The following TRPS1 variants were observed in gnomAD, a reference collection of about 807,000 sequenced individuals.
TRPS1 encodes transcriptional repressor GATA binding 1, also known as zinc finger transcription factor Trps1.
Under a neutral mutation model 101.2 loss-of-function variants are expected in TRPS1, and 6 were observed. The observed-to-expected ratio is 0.06, with a 90% CI of 0.03 to 0.12. The LOEUF (loss-of-function observed/expected upper bound fraction) is 0.12. Ranked by LOEUF, TRPS1 falls within the 10% of genes least tolerant of loss-of-function variation. The probability of loss-of-function intolerance (pLI) is 1.00; values close to 1 mark genes in which losing one functional copy is unlikely to be tolerated. For synonymous variants in TRPS1, 578 were observed against 589.8 expected (o/e 0.98, Z 0.29); for missense variants, 1,363 against 1,567.0 (o/e 0.87, Z 2.20).
rs1812832570 is a variant in TRPS1, at chr8:115,413,321, CTGAG to C, written c.*698_*701del. On this transcript the variant is annotated 3_prime_UTR_variant, in exon 7 of 7. Coordinates refer to ENST00000395715, the MANE Select transcript of TRPS1 (RefSeq NM_014112.5). ...ATCTAAACCGCAAACAAAAGGACTACTGAGTATTTGAACATCTAAAGGACAAAAA... is the reference window on the plus strand; with the variant it reads ...ATCTAAACCGCAAACAAAAGGACTACTATTTGAACATCTAAAGGACAAAAA... 6.6e-6 allele frequency: 1 copy of C among 152,602 alleles called. No homozygotes were observed. Among genetic ancestry groups the C allele is most frequent in the African/African-American group, 2.4e-5 (1 of 41,436 alleles). 9.5% of individuals were successfully genotyped at this position (152,602 alleles called of 1,614,324 possible).
chr8:115,512,168 A>G (rs1004836082), intron 5 of TRPS1, among the ~76,000 whole-genome samples: 3 of 151,786 alleles, frequency 2.0e-5, no homozygotes, highest in Non-Finnish European at 4.4e-5. Flanking sequence ...AACTTGGCAA[A>G]CAAGAACTCA....
chr8:115,486,394 C>A (rs918115298), intron 5 of TRPS1, among the ~76,000 whole-genome samples: 1 of 152,136 alleles, frequency 6.6e-6, no homozygotes, highest in East Asian at 1.9e-4. Context: ...CTTAGGCCAA[C>A]TAATATCCCT....
Position 115,533,693 on chromosome 8 carries a change from T to C in TRPS1, c.2700+53308A>G, listed in dbSNP as rs116554026. On this transcript the variant is annotated intron_variant, in intron 5 of 6. Transcript: ENST00000395715. The stretch of plus-strand genomic sequence containing the variant: ...CTTGGGCTGCCAGAACAAAATACCA[T>C]AGACTGGGTGGCTTAAACAACAGAA... Among the ~76,000 whole-genome samples the C allele has an allele frequency of 7.5e-3, 1,137 of 152,046 alleles. 18 individuals are homozygous for C. The highest frequency in any genetic ancestry group is 0.026 in the African/African-American group (1,069 of 41,506).
chr8:115,455,779 T>TC (rs1253494063), intron 5 of TRPS1, among the ~76,000 whole-genome samples: 1 of 82,012 alleles, frequency 1.2e-5, no homozygotes, highest in Non-Finnish European at 2.9e-5. Flanking sequence ...TTCTTTCTTT[T>TC]TTTTTTTTTT....
At chr8:115,647,283 G>A (rs1811432875) in intron 1 of TRPS1, among the ~76,000 whole-genome samples, 1 of 152,000 alleles carries the variant, frequency 6.6e-6, no homozygotes, top group African/African-American at 2.4e-5. Context: ...TGGACTTCTA[G>A]AAAAGGAAAT....
chr8:115,436,963 C>T (rs1381940841), intron 5 of TRPS1, among the ~76,000 whole-genome samples: 3 of 151,986 alleles, frequency 2.0e-5, no homozygotes, highest in African/African-American at 2.4e-5. Context: ...TAGATACAGA[C>T]GTATACATAT....
At chr8:115,564,750 T>C (rs951498244) in intron 5 of TRPS1, among the ~76,000 whole-genome samples, 4 of 152,020 alleles carry the variant, frequency 2.6e-5, no homozygotes, top group Non-Finnish European at 5.9e-5. Context: ...CAGACTTGGA[T>C]GAGGGGAGCA....
At chr8:115,664,589 T>G (rs1469149987) in intron 1 of TRPS1, among the ~76,000 whole-genome samples, 1 of 151,934 alleles carries the variant, frequency 6.6e-6, no homozygotes, top group Non-Finnish European at 1.5e-5. Flanking sequence ...TAAACAAGAC[T>G]CAGAATTAGT....
intron 5 of TRPS1, among the ~76,000 whole-genome samples, chr8:115,551,779 T>C (rs994637421): frequency 8.5e-5 from 13 of 152,206 alleles, no homozygotes; most frequent in African/African-American, 2.7e-4. Context: ...TAAAATTATG[T>C]TCAAAGGCGG....
chr8:115,416,717 G>C (rs546754731), intron 6 of TRPS1, among the ~76,000 whole-genome samples: 1 of 151,862 alleles, frequency 6.6e-6, no homozygotes, highest in Non-Finnish European at 1.5e-5. Flanking sequence ...CATTTCTGTT[G>C]TTACAAACAT....
At chr8:115,574,918 T>C (rs976390896) in intron 5 of TRPS1, among the ~76,000 whole-genome samples, 1 of 152,122 alleles carries the variant, frequency 6.6e-6, no homozygotes, top group Non-Finnish European at 1.5e-5. Context: ...TATAATAATG[T>C]TTAAAAAACT....
Position 115,413,173 on chromosome 8 carries a change from T to G in TRPS1, c.*850A>C, listed in dbSNP as rs1305934903. On this transcript the variant is annotated 3_prime_UTR_variant, in exon 7 of 7. Transcript: ENST00000395715. Reference sequence around the variant, plus strand: ...GTGAGATTAGTAACCAACAGGAGGCTTAGAAAAGCAAATCCATACTGGTTC... The same window carrying G: ...GTGAGATTAGTAACCAACAGGAGGCGTAGAAAAGCAAATCCATACTGGTTC... 1 of 152,074 alleles carries G rather than the reference T, an allele frequency of 6.6e-6. No homozygotes were observed. The highest frequency in any genetic ancestry group is 2.4e-5 in the African/African-American group (1 of 41,408). The allele number at this position is 152,074 out of a possible 1,614,324, so 9.4% of individuals were successfully genotyped here. A position where few individuals can be genotyped will look rare whatever the true frequency, so the allele number is the denominator to read the frequency against.
rs745767876 is a variant in TRPS1 at position 115,629,032 on chromosome 8, C to T, written c.-121-5274G>A. On this transcript the variant is annotated intron_variant, in intron 1 of 6. Coordinates refer to ENST00000395715, the MANE Select transcript of TRPS1 (RefSeq NM_014112.5). ...TCATTTGGCTTTATGTCACATAGTG[C>T]CATTTAGCCAACAAAACTAATGTTC... 4.6e-5 allele frequency among the ~76,000 whole-genome samples: 7 copies of T among 151,800 alleles called. No homozygotes were observed. The South Asian group carries it at 1.5e-3, about 31-fold the overall frequency.
intron 1 of TRPS1, among the ~76,000 whole-genome samples, chr8:115,648,321 A>C (rs1242569396): frequency 6.6e-6 from 1 of 152,172 alleles, no homozygotes; most frequent in Non-Finnish European, 1.5e-5. Flanking sequence ...GGCACCGCGC[A>C]GCAGCCGAGG....
intron 5 of TRPS1, among the ~76,000 whole-genome samples, chr8:115,423,246 A>G (rs1259254012): frequency 1.3e-5 from 2 of 152,232 alleles, no homozygotes; most frequent in East Asian, 3.9e-4. Context: ...GAGCAGTACA[A>G]TTTAGGTTGC....
intron 1 of TRPS1, among the ~76,000 whole-genome samples, chr8:115,666,951 T>G (rs1396718155): frequency 6.6e-6 from 1 of 152,178 alleles, no homozygotes; most frequent in Non-Finnish European, 1.5e-5. Flanking sequence ...TGTCTCAGAT[T>G]TAACTCCTCC....
chr8:115,463,394 A>T (rs1431047432), intron 5 of TRPS1, among the ~76,000 whole-genome samples: 1 of 152,238 alleles, frequency 6.6e-6, no homozygotes, highest in African/African-American at 2.4e-5. Flanking sequence ...CAGAGAAAGA[A>T]TGAAATAAAA....
intron 5 of TRPS1, among the ~76,000 whole-genome samples, chr8:115,506,559 C>G (rs530859562): frequency 5.3e-5 from 8 of 152,052 alleles, no homozygotes; most frequent in African/African-American, 1.9e-4. Context: ...AGAGACTGTT[C>G]CAATAACTCT....
intron 5 of TRPS1, among the ~76,000 whole-genome samples, chr8:115,451,378 T>C (rs1813869497): frequency 6.6e-6 from 1 of 152,178 alleles, no homozygotes; most frequent in African/African-American, 2.4e-5. Context: ...AGGTTCATCA[T>C]CTTGCATTTT....
Sources: gnomAD v4.1 joint callset for allele counts (sites outside exome capture counted in the v4.1 genomes callset) on GRCh38, gnomAD v4.1.1 for gene constraint, MANE v1.5 for transcripts, NCBI Gene and HGNC (gene_info 2026-07-23, HGNC 2026-07-21) for gene names.